ST18: variants seen among roughly 807,000 people sequenced by gnomAD.
The protein encoded by ST18 is ST18 C2H2C-type zinc finger transcription factor, also known as suppression of tumorigenicity 18 protein.
ST18 carries 50 observed loss-of-function variants against 110.0 expected under a neutral mutation model. The ratio of observed to expected loss-of-function variants is 0.45; its 90% CI spans 0.36 to 0.58. ST18 has a LOEUF of 0.58. Among genes scored for constraint, ST18 ranks in the 20% least tolerant of loss-of-function variants. The probability of loss-of-function intolerance (pLI) is 0.00; values close to 1 mark genes in which losing one functional copy is unlikely to be tolerated. For synonymous variants in ST18, 461 were observed against 452.4 expected (o/e 1.02, Z -0.24); for missense variants, 1,306 against 1,280.1 (o/e 1.02, Z -0.31).
intron 5 of ST18, among the ~76,000 whole-genome samples, chr8:52,220,377 C>A (rs1437007893): frequency 6.6e-6 from 1 of 152,144 alleles, no homozygotes; most frequent in Non-Finnish European, 1.5e-5. Context: ...CTTTTAAAAT[C>A]TTGCTTATTT....
intron 16 of ST18, among the ~76,000 whole-genome samples, chr8:52,144,506 T>C (rs2056516610): frequency 6.6e-6 from 1 of 152,236 alleles, no homozygotes; most frequent in African/African-American, 2.4e-5. Context: ...TTTCATTAAT[T>C]ACTTGGCTAA....
At chr8:52,347,471 C>T (rs1486387352) in intron 2 of ST18, among the ~76,000 whole-genome samples, 1 of 151,876 alleles carries the variant, frequency 6.6e-6, no homozygotes, top group African/African-American at 2.4e-5. Flanking sequence ...ACATTATAGG[C>T]AATGTCAAAG....
intron 2 of ST18, among the ~76,000 whole-genome samples, chr8:52,273,293 CA>C (rs1474858629): frequency 6.6e-6 from 1 of 152,018 alleles, no homozygotes; most frequent in African/African-American, 2.4e-5. Flanking sequence ...CACGTGTGGT[CA>C]ATAAACATTT....
intron 6 of ST18, 100 bp downstream of exon 6, chr8:52,217,646 G>A (rs2084881214): frequency 1.3e-5 from 2 of 152,138 alleles, no homozygotes; most frequent in Admixed American, 1.3e-4. Flanking sequence ...ATGGAAATAA[G>A]CAGATACACA....
intron 11 of ST18, among the ~76,000 whole-genome samples, chr8:52,166,158 G>A (rs762227401): frequency 1.1e-4 from 17 of 152,334 alleles, no homozygotes; most frequent in Middle Eastern, 3.4e-3. Flanking sequence ...AGGTGAAACA[G>A]AACTGTGTAG....
chr8:52,257,132 G>C (rs552894039), intron 2 of ST18, among the ~76,000 whole-genome samples: 1 of 151,968 alleles, frequency 6.6e-6, no homozygotes, highest in East Asian at 1.9e-4. Context: ...AGCATCTATC[G>C]GTACTTTATT....
intron 2 of ST18, among the ~76,000 whole-genome samples, chr8:52,248,198 C>A (rs1209772341): frequency 6.6e-6 from 1 of 152,110 alleles, no homozygotes; most frequent in Non-Finnish European, 1.5e-5. Flanking sequence ...TATATCCTTA[C>A]ATAAATAAAT....
At position 52,373,906 on chromosome 8, in the gene ST18, G is replaced by T. The variant is rs113545974; in HGVS notation, c.-465+35422C>A. The stretch of plus-strand genomic sequence containing the variant: ...AAATTCAGGAGCACGCATCTCAAGT[G>T]GGGCCTCCAGGTCACAGGCTACAAC... On this transcript the variant is annotated intron_variant, in intron 2 of 25. Transcript: ENST00000689386. 5.9e-5 allele frequency among the ~76,000 whole-genome samples: 9 copies of T among 152,208 alleles called. 1 individual carries two copies. The highest frequency in any genetic ancestry group is 2.2e-4 in the African/African-American group (9 of 41,534).
intron 2 of ST18, among the ~76,000 whole-genome samples, chr8:52,292,216 G>A (rs1402948546): frequency 6.6e-6 from 1 of 152,220 alleles, no homozygotes; most frequent in African/African-American, 2.4e-5. Flanking sequence ...TTTCTGCACA[G>A]TGCTTAAGAA....
At chr8:52,372,225 T>A (rs1830518346) in intron 2 of ST18, among the ~76,000 whole-genome samples, 1 of 152,132 alleles carries the variant, frequency 6.6e-6, no homozygotes, top group African/African-American at 2.4e-5. Context: ...AAAATTTTTT[T>A]AAAAGTAGTA....
At chr8:52,340,892 T>G (rs2140195529) in intron 2 of ST18, among the ~76,000 whole-genome samples, 1 of 152,298 alleles carries the variant, frequency 6.6e-6, no homozygotes, top group South Asian at 2.1e-4. Context: ...AAGGGCTAGT[T>G]CCAAGAAACG....
In ST18 at chr8:52,346,791, G is replaced by C. The variant is rs79373833; in HGVS notation, c.-465+62537C>G. On this transcript the variant is annotated intron_variant, in intron 2 of 25. Coordinates refer to ENST00000689386, the MANE Select transcript of ST18 (RefSeq NM_001352837.2). ...GCTGTGGATTCAAGAGGATAGAAAG[G>C]TTTCGAGGGTGGGGAGAGATGGAGA... 4.5e-3 allele frequency among the ~76,000 whole-genome samples: 689 copies of C among 152,228 alleles called. 6 individuals are homozygous for C. Among genetic ancestry groups the C allele is most frequent in the African/African-American group, 0.016 (667 of 41,538 alleles).
At chr8:52,377,693 A>G (rs927301099) in intron 2 of ST18, among the ~76,000 whole-genome samples, 2 of 152,202 alleles carry the variant, frequency 1.3e-5, no homozygotes, top group African/African-American at 4.8e-5. Context: ...AACAGTGTGG[A>G]GGTTCTTCAA....
intron 23 of ST18, among the ~76,000 whole-genome samples, chr8:52,119,575 C>T (rs1430831757): frequency 6.6e-6 from 1 of 152,200 alleles, no homozygotes; most frequent in Non-Finnish European, 1.5e-5. Context: ...TGCTCACATT[C>T]TCTATGACCC....
chr8:52,399,729 C>A (rs181005525), intron 2 of ST18, among the ~76,000 whole-genome samples: 1 of 151,876 alleles, frequency 6.6e-6, no homozygotes, highest in Non-Finnish European at 1.5e-5. Context: ...CACATATTTG[C>A]GAATTTTTCA....
intron 23 of ST18, among the ~76,000 whole-genome samples, chr8:52,124,188 T>TG (rs1158342552): frequency 6.6e-6 from 1 of 152,146 alleles, no homozygotes; most frequent in Non-Finnish European, 1.5e-5. Flanking sequence ...TAATTTTTTT[T>TG]TTTTTGAGAC....
intron 2 of ST18, among the ~76,000 whole-genome samples, chr8:52,280,037 C>T (rs933484520): frequency 9.9e-5 from 15 of 152,024 alleles, no homozygotes; most frequent in African/African-American, 3.6e-4. Context: ...ATACAGGAGA[C>T]AGGAGGGTGG....
intron 3 of ST18, among the ~76,000 whole-genome samples, chr8:52,224,225 A>G (rs1422739622): frequency 6.6e-6 from 1 of 152,196 alleles, no homozygotes; most frequent in Non-Finnish European, 1.5e-5. Context: ...AGTTTGCATA[A>G]CCACTTTTGC....
rs113344679 is a variant in ST18, at chr8:52,386,483, A to G, written c.-465+22845T>C. Among the ~76,000 whole-genome samples, 1,065 of 151,876 alleles carry G rather than the reference A, an allele frequency of 7.0e-3. 15 individuals are homozygous for G. The highest frequency in any genetic ancestry group is 0.024 in the African/African-American group (1,007 of 41,476). The stretch of plus-strand genomic sequence containing the variant: ...TGTTTTTTTTTCTTAAAAAAAAAAA[A>G]GAATGCAATCAATTGAGAAAAACTG... On this transcript the variant is annotated intron_variant, in intron 2 of 25. Transcript: ENST00000689386.
Sources: gnomAD v4.1 joint callset for allele counts (sites outside exome capture counted in the v4.1 genomes callset) on GRCh38, gnomAD v4.1.1 for gene constraint, MANE v1.5 for transcripts, NCBI Gene and HGNC (gene_info 2026-07-23, HGNC 2026-07-21) for gene names.